The following CNTNAP5 variants were observed in gnomAD, a reference collection of about 807,000 sequenced individuals.
CNTNAP5 encodes contactin-associated protein-like 5.
In CNTNAP5, 72 loss-of-function variants were observed where a neutral mutation model predicts 150.2. The ratio of observed to expected loss-of-function variants is 0.48; its 90% CI spans 0.40 to 0.58. The LOEUF is 0.58. Ranked by LOEUF, CNTNAP5 falls within the 20% of genes least tolerant of loss-of-function variation. The pLI is 0.00. For missense variants in CNTNAP5, 1,636 were observed against 1,626.2 expected (o/e 1.01, Z -0.10); for synonymous variants, 672 against 619.8 (o/e 1.08, Z -1.25).
chr2:124,627,906 A>G (rs1413214510), intron 12 of CNTNAP5, among the ~76,000 whole-genome samples: 1 of 152,234 alleles, frequency 6.6e-6, no homozygotes, highest in African/African-American at 2.4e-5. Context: ...ACAGCACAAG[A>G]CAATCATAAT....
intron 3 of CNTNAP5, among the ~76,000 whole-genome samples, chr2:124,321,638 T>C (rs1689101816): frequency 6.6e-6 from 1 of 152,138 alleles, no homozygotes; most frequent in Admixed American, 6.5e-5. Flanking sequence ...AATGTTTTAA[T>C]AGACATCTTG....
At chr2:124,236,105 A>G (rs1686739951) in intron 2 of CNTNAP5, among the ~76,000 whole-genome samples, 1 of 152,100 alleles carries the variant, frequency 6.6e-6, no homozygotes, top group South Asian at 2.1e-4. Context: ...AGCTGGGATT[A>G]CAGGCACACA....
At chr2:124,114,923 A>C (rs1039393219) in intron 1 of CNTNAP5, among the ~76,000 whole-genome samples, 1 of 151,740 alleles carries the variant, frequency 6.6e-6, no homozygotes, top group African/African-American at 2.4e-5. Context: ...AATGAATTAC[A>C]CTGGTTAATT....
At chr2:124,830,177 A>T (rs2104680095) in intron 19 of CNTNAP5, among the ~76,000 whole-genome samples, 1 of 152,092 alleles carries the variant, frequency 6.6e-6, no homozygotes, top group East Asian at 1.9e-4. Flanking sequence ...CTTAATTTAG[A>T]ATTTTGATCT....
intron 21 of CNTNAP5, among the ~76,000 whole-genome samples, chr2:124,880,663 A>C (rs1320290647): frequency 6.6e-6 from 1 of 152,158 alleles, no homozygotes; most frequent in Admixed American, 6.6e-5. Flanking sequence ...TATTATATAC[A>C]AGGTGATATA....
chr2:124,341,294 C>T (rs1442583247), intron 3 of CNTNAP5, among the ~76,000 whole-genome samples: 2 of 152,076 alleles, frequency 1.3e-5, no homozygotes, highest in Admixed American at 1.3e-4. Flanking sequence ...AGAAACAAGA[C>T]ATGGTTAGAA....
intron 1 of CNTNAP5, among the ~76,000 whole-genome samples, chr2:124,177,062 A>G (rs949532529): frequency 2.0e-5 from 3 of 151,626 alleles, no homozygotes; most frequent in African/African-American, 4.8e-5. Context: ...TGGCCAGGCT[A>G]CTCTCAAACT....
intron 3 of CNTNAP5, among the ~76,000 whole-genome samples, chr2:124,396,664 G>T (rs1691253588): frequency 6.6e-6 from 1 of 151,958 alleles, no homozygotes; most frequent in African/African-American, 2.4e-5. Flanking sequence ...TGAATAGTTG[G>T]ATCTAGATGC....
At chr2:124,232,718 G>A (rs973772688) in intron 2 of CNTNAP5, among the ~76,000 whole-genome samples, 1 of 151,998 alleles carries the variant, frequency 6.6e-6, no homozygotes, top group African/African-American at 2.4e-5. Context: ...CAATGAAAAT[G>A]TTTCATTAAA....
At chr2:124,225,434 G>A (rs1686431990) in intron 2 of CNTNAP5, among the ~76,000 whole-genome samples, 1 of 152,146 alleles carries the variant, frequency 6.6e-6, no homozygotes, top group African/African-American at 2.4e-5. Flanking sequence ...TTTAGACAGG[G>A]AAAGCTGTGT....
chr2:124,339,202 T>G, intron 3 of CNTNAP5, among the ~76,000 whole-genome samples: 1 of 152,178 alleles, frequency 6.6e-6, no homozygotes, highest in East Asian at 1.9e-4. Context: ...TAGAAAGTTC[T>G]AGAACCCTCT....
chr2:124,305,556 G>A (rs1335594554), intron 3 of CNTNAP5, among the ~76,000 whole-genome samples: 1 of 152,126 alleles, frequency 6.6e-6, no homozygotes, highest in Non-Finnish European at 1.5e-5. Context: ...TGTCCTTAAA[G>A]TTCAAGTGTT....
intron 12 of CNTNAP5, among the ~76,000 whole-genome samples, chr2:124,618,796 A>G (rs1677543149): frequency 6.6e-6 from 1 of 152,198 alleles, no homozygotes; most frequent in South Asian, 2.1e-4. Flanking sequence ...ATTCATAAGA[A>G]TTAAGGATGG....
chr2:124,270,901 GC>G (rs1300758580), intron 3 of CNTNAP5, among the ~76,000 whole-genome samples: 1 of 152,086 alleles, frequency 6.6e-6, no homozygotes, highest in African/African-American at 2.4e-5. Flanking sequence ...CACACTACGT[GC>G]CCCCATGTTG....
chr2:124,335,716 A>G (rs1278009858), intron 3 of CNTNAP5, among the ~76,000 whole-genome samples: 1 of 151,872 alleles, frequency 6.6e-6, no homozygotes, highest in Non-Finnish European at 1.5e-5. Context: ...GTAGACAGAA[A>G]TTAAGGAGGC....
intron 7 of CNTNAP5, among the ~76,000 whole-genome samples, chr2:124,504,071 G>A (rs576589627): frequency 3.3e-5 from 5 of 152,170 alleles, no homozygotes; most frequent in African/African-American, 7.2e-5. Context: ...ACTCTCAGAT[G>A]GCCCTCTTTG....
chr2:124,753,422 G>T (rs968337558), intron 14 of CNTNAP5, among the ~76,000 whole-genome samples: 4 of 152,130 alleles, frequency 2.6e-5, no homozygotes, highest in African/African-American at 9.7e-5. Context: ...GATAGGTCAG[G>T]CCATAGCCAT....
chr2:124,488,545 A>T (rs1319995699), intron 7 of CNTNAP5, among the ~76,000 whole-genome samples: 2 of 152,186 alleles, frequency 1.3e-5, no homozygotes, highest in Non-Finnish European at 2.9e-5. Flanking sequence ...ATTTTGCTCT[A>T]ATCACTGAGT....
intron 3 of CNTNAP5, among the ~76,000 whole-genome samples, chr2:124,267,931 C>G (rs1417411413): frequency 1.3e-5 from 2 of 152,104 alleles, no homozygotes; most frequent in Non-Finnish European, 2.9e-5. Flanking sequence ...CAAGTGAGAC[C>G]TCTGTCAGAA....
Sources: allele counts gnomAD v4.1 joint callset (sites outside exome capture counted in the v4.1 genomes callset), GRCh38; gene constraint gnomAD v4.1.1; transcripts MANE v1.5; gene names NCBI Gene and HGNC (gene_info 2026-07-23, HGNC 2026-07-21).